The following CYP27C1 variants were observed in gnomAD, a reference collection of about 807,000 sequenced individuals.
CYP27C1 encodes the protein cytochrome P450 27C1.
Under a neutral mutation model 40.6 loss-of-function variants are expected in CYP27C1, and 29 were observed. The ratio of observed to expected loss-of-function variants is 0.71; its 90% confidence interval spans 0.53 to 0.97. The LOEUF is 0.97. Among genes scored for constraint, CYP27C1 ranks in the 50% least tolerant of loss-of-function variants. CYP27C1 has a pLI of 0.00. For synonymous variants in CYP27C1, 198 were observed against 186.8 expected (o/e 1.06, Z -0.49); for missense variants, 390 against 485.8 (o/e 0.80, Z 1.85).
chr2:127,190,342 C>CTTTTTTT (rs1241035422), intron 8 of CYP27C1, among the ~76,000 whole-genome samples: 4 of 96,636 alleles, frequency 4.1e-5, no homozygotes, highest in East Asian at 3.1e-4. Flanking sequence ...TTTTTTTTTT[C>CTTTTTTT]TTTTTTTTTT....
In CYP27C1 at chr2:127,201,216, G is replaced by A; in HGVS notation, c.789C>T (p.Ser263=). The change falls in exon 4 of 9, where the codon TCC becomes TCT. Residue 263 remains serine (S), a synonymous_variant. Transcript: ENST00000664447. The surrounding 1 kb of genome is among the most constrained non-coding windows in gnomAD (Gnocchi z 6.0). ...ATCTGGGGATGGCGCCTGCATACAT[G>A]GAGGTCTTGAACATGCTAAACATGA... ...LELMFSMFKT[S]MYAGAIPRWL... 6.2e-7 allele frequency: 1 copy of A among 1,614,182 alleles called. No individual in the cohort carries two copies. The highest frequency in any genetic ancestry group is 2.2e-5 in the East Asian group (1 of 44,878).
rs976611011 is a variant in CYP27C1 at position 127,200,255 on chromosome 2, C to T, written c.884-716G>A. 1.3e-5 allele frequency among the ~76,000 whole-genome samples: 2 copies of T among 152,232 alleles called. No individual in the cohort carries two copies. Among genetic ancestry groups the T allele is most frequent in the African/African-American group, 2.4e-5 (1 of 41,474 alleles). ...TCGGCCTCCCAAAGTGCTGGGATTA[C>T]AGGCGTGAGCCACTGCACCCAGCCT... On this transcript the variant is annotated intron_variant, in intron 4 of 8. Transcript: ENST00000664447. The surrounding 1 kb of genome is among the most constrained non-coding windows in gnomAD (Gnocchi z 4.2).
chr2:127,194,311 C>T (rs1266272983), intron 6 of CYP27C1, among the ~76,000 whole-genome samples: 1 of 152,106 alleles, frequency 6.6e-6, no homozygotes, highest in East Asian at 1.9e-4. Flanking sequence ...ACCAATAAAC[C>T]CCACAGCCAG....
At position 127,204,419 on chromosome 2, in the gene CYP27C1, AAG is replaced by A. The variant is rs1491194947; in HGVS notation, c.474-850_474-849del. Among the ~76,000 whole-genome samples the A allele has an allele frequency of 3.0e-5, 4 of 134,888 alleles. 1 individual carries two copies. The highest frequency in any genetic ancestry group is 5.1e-4 in the South Asian group (2 of 3,908). 88.5% of individuals were successfully genotyped at this position (134,888 alleles called of 152,430 possible). A position where few individuals can be genotyped will look rare whatever the true frequency, so the allele number is the denominator to read the frequency against. ...AAGAGAGAGAGAAAGAAAGAAAAGA[AAG>A]AGAGAAAGGAAAGAAAGAAAAAGAA... On this transcript the variant is annotated intron_variant, in intron 2 of 8. Transcript: ENST00000664447.
At chr2:127,214,787 T>G (rs1323349059) in intron 1 of CYP27C1, among the ~76,000 whole-genome samples, 23 of 142,726 alleles carry the variant, frequency 1.6e-4, no homozygotes, top group Non-Finnish European at 3.3e-4. Context: ...TTTTTGTTTT[T>G]TTTTTTTTTT....
chr2:127,213,036 G>C (rs1440654984), intron 1 of CYP27C1, among the ~76,000 whole-genome samples: 1 of 152,100 alleles, frequency 6.6e-6, no homozygotes. Flanking sequence ...GGCAAGCAGA[G>C]AGCCAAATCA....
chr2:127,187,580 T>C (rs1280446278), intron 8 of CYP27C1, among the ~76,000 whole-genome samples, 193 bp from the exon 9 acceptor site: 1 of 152,164 alleles, frequency 6.6e-6, no homozygotes, highest in Non-Finnish European at 1.5e-5. Flanking sequence ...AACAGAACTT[T>C]AGATCCCGTA....
At position 127,186,152 on chromosome 2, in the gene CYP27C1, A is replaced by G. The variant is rs903639419; in HGVS notation, c.*1119T>C. 5 of 152,288 alleles carry G rather than the reference A, an allele frequency of 3.3e-5. No individual in the cohort carries two copies. Among genetic ancestry groups the G allele is most frequent in the African/African-American group, 1.2e-4 (5 of 41,566 alleles). The allele number at this position is 152,288 out of a possible 1,614,324, so 9.4% of individuals were successfully genotyped here. A position where few individuals can be genotyped will look rare whatever the true frequency, so the allele number is the denominator to read the frequency against. ...AACTTAGGCAACAAAATTTTACGTC[A>G]TCATATTTCCAGTTCTTATACGTCT... On this transcript the variant is annotated 3_prime_UTR_variant, in exon 9 of 9. Transcript: ENST00000664447. The surrounding 1 kb of genome is among the most constrained non-coding windows in gnomAD (Gnocchi z 4.5).
rs868337701 is a variant in CYP27C1 at position 127,195,465 on chromosome 2, C to A, written c.1084G>T (p.Ala362Ser). 2 of 1,613,862 alleles carry A rather than the reference C, an allele frequency of 1.2e-6. No homozygotes were observed. Among genetic ancestry groups the A allele is most frequent in the Admixed American group, 1.7e-5 (1 of 59,980 alleles). The change falls in exon 6 of 9, where the codon GCA becomes TCA. Residue 362 changes from alanine to serine, a missense_variant. Ala to Ser is a moderately conservative substitution (Grantham distance 99). Transcript: ENST00000664447. This position sits in a 1 kb window ranked among gnomAD's most constrained non-coding sequence, Gnocchi z 6.2. ...FTLSWTVYLLARHPEVQQTVY... is the reference protein window; with the variant it reads ...FTLSWTVYLLSRHPEVQQTVY... ...GTCTGCTGCACTTCTGGGTGCCTTG[C>A]CAGGAGGTACACAGTCCAAGACAAG...
intron 5 of CYP27C1, among the ~76,000 whole-genome samples, chr2:127,197,004 A>T (rs1242350647): frequency 6.6e-6 from 1 of 152,248 alleles, no homozygotes; most frequent in Non-Finnish European, 1.5e-5. Context: ...ACTAATTTTT[A>T]AAAATCAGTA....
rs775859403 is a variant in CYP27C1, at chr2:127,199,387, C to G, written c.1036G>C (p.Gly346Arg). The change falls in exon 5 of 9, where the codon GGC becomes CGC. Residue 346 changes from glycine to arginine, a missense_variant. Gly to Arg is a moderately radical substitution (Grantham distance 125). Coordinates refer to ENST00000664447, the MANE Select transcript of CYP27C1 (RefSeq NM_001367502.1). ...YANVTEMLLA[G>R]VDTTSFTLSW... ...ACCCCCAGACTCACCGTGTCGACGC[C>G]GGCCAGCAGCATCTCAGTCACGTTG... 27 of 1,613,878 alleles carry G rather than the reference C, an allele frequency of 1.7e-5. No homozygotes were observed. Among genetic ancestry groups the G allele is most frequent in the Non-Finnish European group, 8.5e-7 (1 of 1,179,946 alleles).
chr2:127,199,635 C>T, intron 4 of CYP27C1, 96 bp from the exon 5 acceptor site: 1 of 1,333,904 alleles, frequency 7.5e-7, no homozygotes. Flanking sequence ...TTAACTAAAC[C>T]AGTGGCAGGT....
chr2:127,212,237 A>G (rs778819754), intron 1 of CYP27C1, among the ~76,000 whole-genome samples: 1 of 152,326 alleles, frequency 6.6e-6, no homozygotes, highest in East Asian at 1.9e-4. Flanking sequence ...TCTACCAGAA[A>G]TACAAAGAGG....
At chr2:127,194,609 T>G (rs930294292) in intron 6 of CYP27C1, among the ~76,000 whole-genome samples, 1 of 152,146 alleles carries the variant, frequency 6.6e-6, no homozygotes, top group African/African-American at 2.4e-5. Flanking sequence ...CCTCACTGGG[T>G]GGCGTCTAAA....
rs545003003 is a variant in CYP27C1 at position 127,217,634 on chromosome 2, C to T, written c.282+2355G>A. Among the ~76,000 whole-genome samples, 104 of 152,320 alleles carry T rather than the reference C, an allele frequency of 6.8e-4. 1 individual carries two copies. The Middle Eastern group carries it at 0.014, about 20-fold the overall frequency. ...TGCTCTACCACACCCTAAATAGCAT[C>T]TAGTGACCCAAATTATGATTTCTAC... On this transcript the variant is annotated intron_variant, in intron 1 of 8. Coordinates refer to ENST00000664447, the MANE Select transcript of CYP27C1 (RefSeq NM_001367502.1).
chr2:127,215,519 G>T (rs1157959323), intron 1 of CYP27C1, among the ~76,000 whole-genome samples: 1 of 152,004 alleles, frequency 6.6e-6, no homozygotes, highest in African/African-American at 2.4e-5. Flanking sequence ...GAAAAAAATC[G>T]ATAATAGGAC....
In CYP27C1 at chr2:127,203,528, T is replaced by C. The variant is rs2104689152; in HGVS notation, c.517A>G (p.Arg173Gly). 1.2e-6 allele frequency: 2 copies of C among 1,614,082 alleles called. No individual in the cohort carries two copies. Among genetic ancestry groups the C allele is most frequent in the Non-Finnish European group, 1.7e-6 (2 of 1,180,014 alleles). Residue 173 changes from arginine to glycine, a missense_variant, in exon 3 of 9, where the codon AGA (arginine) becomes GGA (glycine). Physicochemically the swap from Arg to Gly is moderately radical, Grantham distance 125. Transcript: ENST00000664447. ...WLKMRSVLRQ[R>G]ILKPKDVAIY... is the part of the protein sequence containing the mutation. ...GCCACATCTTTCGGTTTCAGAATTC[T>C]TTGTCTCAATACGCTTCTCATCTTG...
In CYP27C1 at chr2:127,201,372, T is replaced by C. The variant is rs1460498733; in HGVS notation, c.674-41A>G. The C allele has an allele frequency of 2.5e-6, 4 of 1,582,272 alleles. No individual in the cohort carries two copies. The East Asian group carries it at 6.8e-5, about 27-fold the overall frequency. On this transcript the variant is annotated intron_variant, in intron 3 of 8. Transcript: ENST00000664447. The surrounding 1 kb of genome is among the most constrained non-coding windows in gnomAD (Gnocchi z 6.0). ...AATTTGAAAACCCTCTTCTAGATTA[T>C]TTACCATACCAACAGGCAATGTTGG...
chr2:127,185,350 A>G lies in CYP27C1; in HGVS notation c.*1921T>C, dbSNP rs1682598368. The G allele has an allele frequency of 6.6e-6, 1 of 152,218 alleles. No homozygotes were observed. Among genetic ancestry groups the G allele is most frequent in the African/African-American group, 2.4e-5 (1 of 41,406 alleles). 9.4% of individuals were successfully genotyped at this position (152,218 alleles called of 1,614,324 possible). On this transcript the variant is annotated 3_prime_UTR_variant, in exon 9 of 9. Transcript: ENST00000664447. The surrounding 1 kb of genome is among the most constrained non-coding windows in gnomAD (Gnocchi z 4.9). ...TGCTACCCCCAGCCCGCACTTTGCT[A>G]TTCACCCTGTGCTGATCCCCAGGCA... is the stretch of plus-strand genomic sequence containing the variant.
Sources: allele counts gnomAD v4.1 joint callset (sites outside exome capture counted in the v4.1 genomes callset), GRCh38; gene constraint gnomAD v4.1.1; non-coding constraint Gnocchi (gnomAD v3.1); transcripts MANE v1.5; gene names NCBI Gene and HGNC (gene_info 2026-07-23, HGNC 2026-07-21).